The following MAN1A2 variants were observed in gnomAD, a reference collection of about 807,000 sequenced individuals.
The protein encoded by MAN1A2 is mannosidase alpha class 1A member 2.
A neutral mutation model predicts 75.7 loss-of-function variants in MAN1A2; 26 were observed. The ratio of observed to expected loss-of-function variants is 0.34; its 90% CI spans 0.25 to 0.48. The LOEUF (loss-of-function observed/expected upper bound fraction) is 0.48. Among genes scored for constraint, MAN1A2 ranks in the 20% least tolerant of loss-of-function variants. MAN1A2 has a pLI of 0.99. For missense variants in MAN1A2, 562 were observed against 775.5 expected (o/e 0.72, Z 3.27); for synonymous variants, 247 against 264.6 (o/e 0.93, Z 0.65).
intron 6 of MAN1A2, among the ~76,000 whole-genome samples, chr1:117,459,669 T>G (rs921036798): frequency 6.6e-6 from 1 of 152,062 alleles, no homozygotes; most frequent in African/African-American, 2.4e-5. Flanking sequence ...ACTAGACAGA[T>G]TAAAAAAATA....
rs1241257316 is a variant in MAN1A2 at position 117,453,970 on chromosome 1, C to G, written c.951-6519C>G. 7.9e-5 allele frequency among the ~76,000 whole-genome samples: 12 copies of G among 152,262 alleles called. No individual in the cohort carries two copies. In the East Asian group the frequency reaches 2.3e-3, roughly 29 times the overall value. On this transcript the variant is annotated intron_variant, in intron 6 of 12. Coordinates refer to ENST00000356554, the MANE Select transcript of MAN1A2 (RefSeq NM_006699.5). ...ACCATCGTCATCAAGGCAAGACCCT[C>G]CACCATCAAAAAAGAGTATGACTTG...
At chr1:117,464,690 G>A (rs1280102943) in intron 7 of MAN1A2, among the ~76,000 whole-genome samples, 1 of 152,092 alleles carries the variant, frequency 6.6e-6, no homozygotes, top group Non-Finnish European at 1.5e-5. Flanking sequence ...ACAGAATCGA[G>A]TAAGGTTTCT....
At position 117,464,356 on chromosome 1, in the gene MAN1A2, C is replaced by CAAAAA. The variant is rs55923337; in HGVS notation, c.1075-1972_1075-1968dup. ...CCTGGGCGACAGAGCAAGACTCTGT[C>CAAAAA]AAAAAAAAAAGAAACAGAACACTGC... On this transcript the variant is annotated intron_variant, in intron 7 of 12. Coordinates refer to ENST00000356554, the MANE Select transcript of MAN1A2 (RefSeq NM_006699.5). Among the ~76,000 whole-genome samples, 15 of 132,010 alleles carry CAAAAA rather than the reference C, an allele frequency of 1.1e-4. 3 individuals are homozygous for CAAAAA. The highest frequency in any genetic ancestry group is 1.9e-4 in the Non-Finnish European group (12 of 62,732). 86.6% of individuals were successfully genotyped at this position (132,010 alleles called of 152,430 possible). A position where few individuals can be genotyped will look rare whatever the true frequency, so the allele number is the denominator to read the frequency against.
chr1:117,468,988 G>A (rs1021714295), intron 8 of MAN1A2, among the ~76,000 whole-genome samples: 1 of 152,054 alleles, frequency 6.6e-6, no homozygotes, highest in Admixed American at 6.6e-5. Context: ...CATTTTCCAT[G>A]CCAGTATAAG....
chr1:117,411,353 G>A (rs1450628529), intron 3 of MAN1A2, among the ~76,000 whole-genome samples: 2 of 151,772 alleles, frequency 1.3e-5, no homozygotes, highest in African/African-American at 2.4e-5. Context: ...TTTCCAACAA[G>A]TGGTGCTGGG....
rs185378577 is a variant in MAN1A2, at chr1:117,367,902, C to T, written c.-282C>T. On this transcript the variant is annotated 5_prime_UTR_variant, in exon 1 of 13. Transcript: ENST00000356554. ...TGCAGTGTGGCTTGCCTGATCTACC[C>T]CTAGGAATGAAGAGGAGGCTTGTAA... The T allele has an allele frequency of 1.9e-4, 67 of 352,320 alleles. No individual in the cohort carries two copies. Among genetic ancestry groups the T allele is most frequent in the African/African-American group, 1.3e-3 (63 of 47,480 alleles). 21.8% of individuals were successfully genotyped at this position (352,320 alleles called of 1,614,324 possible). A position where few individuals can be genotyped will look rare whatever the true frequency, so the allele number is the denominator to read the frequency against.
At chr1:117,494,059 T>G (rs1449879814) in intron 9 of MAN1A2, 1 of 152,084 alleles carries the variant, frequency 6.6e-6, no homozygotes, top group Admixed American at 6.6e-5. Flanking sequence ...TATCACCATT[T>G]TACACATGAG....
intron 8 of MAN1A2, among the ~76,000 whole-genome samples, chr1:117,481,747 G>A (rs1650502990): frequency 6.6e-6 from 1 of 151,974 alleles, no homozygotes; most frequent in African/African-American, 2.4e-5. Flanking sequence ...ACAAAAAGAA[G>A]TGGAGCATGC....
chr1:117,439,964 C>T (rs1648976665), intron 5 of MAN1A2, among the ~76,000 whole-genome samples: 1 of 152,162 alleles, frequency 6.6e-6, no homozygotes, highest in African/African-American at 2.4e-5. Context: ...AACAAATTCA[C>T]TTCTGGAATT....
chr1:117,510,926 TTA>T (rs1651515590), intron 12 of MAN1A2, among the ~76,000 whole-genome samples: 1 of 152,066 alleles, frequency 6.6e-6, no homozygotes, highest in Non-Finnish European at 1.5e-5. Flanking sequence ...TTGCCCTCCT[TTA>T]TTTTTCTTCA....
intron 8 of MAN1A2, among the ~76,000 whole-genome samples, chr1:117,474,455 C>G (rs749463807): frequency 9.2e-5 from 14 of 151,546 alleles, no homozygotes; most frequent in Non-Finnish European, 1.6e-4. Flanking sequence ...TATGTAACCC[C>G]TCTATCCATC....
intron 9 of MAN1A2, among the ~76,000 whole-genome samples, chr1:117,495,866 A>G (rs1006369530): frequency 2.6e-5 from 4 of 151,924 alleles, no homozygotes; most frequent in Non-Finnish European, 5.9e-5. Flanking sequence ...GATAATTATC[A>G]TTTTGGTTAT....
chr1:117,454,076 T>C (rs566360460), intron 6 of MAN1A2, among the ~76,000 whole-genome samples: 1 of 152,128 alleles, frequency 6.6e-6, no homozygotes, highest in South Asian at 2.1e-4. Context: ...TTCCACATAA[T>C]GCTGTTGCAC....
At chr1:117,460,732 C>T in intron 7 of MAN1A2, 120 bp downstream of exon 7, 2 of 1,197,302 alleles carry the variant, frequency 1.7e-6, no homozygotes, top group East Asian at 2.8e-5. Context: ...AGGGCTGTAG[C>T]CTTTATTTTT....
intron 12 of MAN1A2, among the ~76,000 whole-genome samples, chr1:117,520,037 T>A (rs553428513): frequency 6.6e-6 from 1 of 152,188 alleles, no homozygotes; most frequent in African/African-American, 2.4e-5. Flanking sequence ...TGCAAGTCAA[T>A]AAATGTGATA....
chr1:117,470,012 T>G (rs900376417), intron 8 of MAN1A2, among the ~76,000 whole-genome samples: 4 of 152,150 alleles, frequency 2.6e-5, no homozygotes, highest in African/African-American at 9.7e-5. Context: ...CAGATACTTG[T>G]AGCCTAGTGT....
chr1:117,470,655 C>A (rs553791618), intron 8 of MAN1A2, among the ~76,000 whole-genome samples: 1 of 151,980 alleles, frequency 6.6e-6, no homozygotes, highest in African/African-American at 2.4e-5. Flanking sequence ...CTTTAAAATC[C>A]TAGCGAGCTG....
At chr1:117,496,165 AAT>A (rs913985783) in intron 9 of MAN1A2, among the ~76,000 whole-genome samples, 1 of 151,980 alleles carries the variant, frequency 6.6e-6, no homozygotes, top group Non-Finnish European at 1.5e-5. Context: ...AATCATGTAT[AAT>A]AGTTTCTACT....
chr1:117,497,230 C>T (rs928035777), intron 10 of MAN1A2, among the ~76,000 whole-genome samples: 8 of 151,840 alleles, frequency 5.3e-5, no homozygotes, highest in East Asian at 1.9e-4. Context: ...AGACAAGAAT[C>T]GTGGGGTATT....
Sources: allele counts gnomAD v4.1 joint callset (sites outside exome capture counted in the v4.1 genomes callset), GRCh38; gene constraint gnomAD v4.1.1; transcripts MANE v1.5; gene names NCBI Gene and HGNC (gene_info 2026-07-23, HGNC 2026-07-21).